Variants in GRIK2 observed in about 807,000 individuals in gnomAD.
GRIK2 encodes the protein glutamate receptor ionotropic, kainate 2.
Under a neutral mutation model 100.3 loss-of-function variants are expected in GRIK2, and 32 were observed. The ratio of observed to expected loss-of-function variants is 0.32; its 90% confidence interval spans 0.24 to 0.43. GRIK2 has a LOEUF of 0.43. Ranked by LOEUF, GRIK2 falls within the 20% of genes least tolerant of loss-of-function variation. The pLI is 1.00. For missense variants in GRIK2, 843 were observed against 1,114.9 expected (o/e 0.76, Z 3.47); for synonymous variants, 417 against 389.4 (o/e 1.07, Z -0.83).
At chr6:101,818,950 A>T (rs1404304771) in intron 10 of GRIK2, among the ~76,000 whole-genome samples, 1 of 152,036 alleles carries the variant, frequency 6.6e-6, no homozygotes, top group African/African-American at 2.4e-5. Context: ...TATTGTTTTC[A>T]TCTTGGAAAA....
intron 2 of GRIK2, among the ~76,000 whole-genome samples, chr6:101,521,279 TTTG>T (rs1369647229): frequency 4.0e-5 from 5 of 123,732 alleles, no homozygotes; most frequent in African/African-American, 1.3e-4. Context: ...TTTAATAGAC[TTTG>T]TATTGTGTTT....
At chr6:102,050,017 A>AAAAG (rs1041520080) in intron 15 of GRIK2, among the ~76,000 whole-genome samples, 9 of 152,306 alleles carry the variant, frequency 5.9e-5, no homozygotes, top group East Asian at 5.8e-4. Flanking sequence ...CCTCAGAATT[A>AAAAG]AAAGAAATGC....
intron 4 of GRIK2, among the ~76,000 whole-genome samples, chr6:101,661,849 G>A (rs907855485): frequency 1.3e-5 from 2 of 152,132 alleles, no homozygotes; most frequent in Non-Finnish European, 2.9e-5. Context: ...TACCTCAGTT[G>A]GAAATGCAGT....
At chr6:101,494,531 A>G (rs1280840773) in intron 2 of GRIK2, among the ~76,000 whole-genome samples, 1 of 152,054 alleles carries the variant, frequency 6.6e-6, no homozygotes, top group Admixed American at 6.6e-5. Flanking sequence ...ATTATTTATA[A>G]AATTAATAAG....
chr6:101,966,628 T>G (rs1417513099), intron 14 of GRIK2, among the ~76,000 whole-genome samples: 1 of 152,104 alleles, frequency 6.6e-6, no homozygotes, highest in Non-Finnish European at 1.5e-5. Flanking sequence ...CAAGAAATTG[T>G]CAATGCATAA....
intron 2 of GRIK2, among the ~76,000 whole-genome samples, chr6:101,509,059 G>T (rs1665841647): frequency 6.6e-6 from 1 of 151,284 alleles, no homozygotes; most frequent in East Asian, 2.0e-4. Flanking sequence ...TCGGGAGGCT[G>T]AGTCAGGAGA....
At chr6:101,685,235 T>C (rs1039291157) in intron 6 of GRIK2, among the ~76,000 whole-genome samples, 17 of 152,288 alleles carry the variant, frequency 1.1e-4, no homozygotes, top group African/African-American at 4.1e-4. Context: ...TTGTAAACAT[T>C]AAAAAATAAA....
chr6:101,446,203 C>T (rs1260419295), intron 2 of GRIK2, among the ~76,000 whole-genome samples: 1 of 151,824 alleles, frequency 6.6e-6, no homozygotes, highest in East Asian at 1.9e-4. Context: ...GTCCACTGCT[C>T]TGTATCTAGT....
At chr6:102,042,815 C>CTT (rs966164815) in intron 15 of GRIK2, among the ~76,000 whole-genome samples, 28 of 151,602 alleles carry the variant, frequency 1.8e-4, no homozygotes, top group Non-Finnish European at 3.0e-4. Flanking sequence ...TATTTTCATA[C>CTT]TTAGTGTCAG....
chr6:101,654,131 T>C (rs1175494121), intron 4 of GRIK2, among the ~76,000 whole-genome samples: 7 of 152,104 alleles, frequency 4.6e-5, no homozygotes, highest in African/African-American at 1.7e-4. Flanking sequence ...AATAAACATC[T>C]AATGTCAAAA....
At chr6:101,923,117 C>T (rs1789662042) in intron 12 of GRIK2, among the ~76,000 whole-genome samples, 3 of 152,044 alleles carry the variant, frequency 2.0e-5, no homozygotes, top group African/African-American at 7.2e-5. Flanking sequence ...TCTAAAATTG[C>T]ATTAGAAAGA....
chr6:101,712,810 A>G (rs901702229), intron 7 of GRIK2, among the ~76,000 whole-genome samples: 28 of 151,812 alleles, frequency 1.8e-4, no homozygotes, highest in African/African-American at 6.3e-4. Flanking sequence ...ACAGTTTCCA[A>G]TTGGACTTTA....
At chr6:101,619,124 AC>A (rs2128315781) in intron 2 of GRIK2, among the ~76,000 whole-genome samples, 1 of 151,036 alleles carries the variant, frequency 6.6e-6, no homozygotes, top group South Asian at 2.1e-4. Context: ...CACCAATCTA[AC>A]TTTATTTGGA....
chr6:101,914,671 A>T, intron 12 of GRIK2, among the ~76,000 whole-genome samples: 1 of 151,486 alleles, frequency 6.6e-6, no homozygotes, highest in Non-Finnish European at 1.5e-5. Context: ...ACCTTTTGGC[A>T]TAGTGCTAAC....
chr6:101,994,664 A>G (rs2128493227), intron 14 of GRIK2, among the ~76,000 whole-genome samples: 1 of 151,988 alleles, frequency 6.6e-6, no homozygotes, highest in South Asian at 2.1e-4. Context: ...ATGATGAACT[A>G]GCACTGGAAT....
intron 2 of GRIK2, among the ~76,000 whole-genome samples, chr6:101,608,882 G>T (rs1478017507): frequency 6.6e-6 from 1 of 150,834 alleles, no homozygotes; most frequent in African/African-American, 2.4e-5. Flanking sequence ...TCTACAGTTG[G>T]GTCATTTCAT....
At chr6:102,033,053 T>A (rs1416061886) in intron 14 of GRIK2, among the ~76,000 whole-genome samples, 1 of 151,290 alleles carries the variant, frequency 6.6e-6, no homozygotes, top group Non-Finnish European at 1.5e-5. Flanking sequence ...CATATAATTT[T>A]AGGCAAATCA....
intron 14 of GRIK2, among the ~76,000 whole-genome samples, chr6:101,948,583 T>C (rs1365298734): frequency 6.7e-6 from 1 of 149,726 alleles, no homozygotes; most frequent in Non-Finnish European, 1.5e-5. Flanking sequence ...ATATATATGA[T>C]ACAATATATA....
intron 12 of GRIK2, among the ~76,000 whole-genome samples, chr6:101,897,747 T>C (rs1329017930): frequency 2.0e-5 from 3 of 151,898 alleles, no homozygotes; most frequent in South Asian, 2.1e-4. Flanking sequence ...TTACTAGGTA[T>C]TTTTCTTTCA....
Sources: allele counts gnomAD v4.1 joint callset (sites outside exome capture counted in the v4.1 genomes callset), GRCh38; gene constraint gnomAD v4.1.1; transcripts MANE v1.5; gene names NCBI Gene and HGNC (gene_info 2026-07-23, HGNC 2026-07-21).